Variants in FRYL observed in about 807,000 individuals in gnomAD.
FRYL encodes the protein FRY like transcription coactivator, also known as protein furry homolog-like.
A neutral mutation model predicts 351.2 loss-of-function variants in FRYL; 150 were observed. That is an observed-to-expected ratio of 0.43 (90% CI 0.37 to 0.49). FRYL has a LOEUF of 0.49. FRYL is among the 20% of genes least tolerant of loss of function. The pLI is 0.00. For synonymous variants in FRYL, 1,153 were observed against 1,257.1 expected, an observed-to-expected ratio of 0.92 and a Z score of 1.75; for missense variants, 3,036 against 3,619.3, an observed-to-expected ratio of 0.84 and a Z score of 4.13.
chr4:48,690,008 T>C (rs570779811), intron 2 of FRYL, among the ~76,000 whole-genome samples: 11 of 150,816 alleles, frequency 7.3e-5, no homozygotes, highest in South Asian at 4.2e-4. Context: ...GCCATTCTCC[T>C]GCCTCAGCCT....
chr4:48,521,267 A>G, intron 54 of FRYL, 52 bp from the exon 55 acceptor site: 1 of 1,330,220 alleles, frequency 7.5e-7, no homozygotes, highest in Non-Finnish European at 1.1e-6. Flanking sequence ...CAAAAGCCAC[A>G]GGAAACATTC....
intron 13 of FRYL, among the ~76,000 whole-genome samples, chr4:48,596,356 T>C (rs920202917): frequency 6.6e-6 from 1 of 152,168 alleles, no homozygotes; most frequent in African/African-American, 2.4e-5. Flanking sequence ...GGATCACTCA[T>C]TTTTGGCAGA....
chr4:48,698,977 G>T (rs951255568), intron 2 of FRYL, among the ~76,000 whole-genome samples: 11 of 152,040 alleles, frequency 7.2e-5, no homozygotes, highest in Admixed American at 7.2e-4. Flanking sequence ...ACTAATTACC[G>T]AGAGCCTACT....
chr4:48,609,155 G>A, intron 8 of FRYL, 88 bp from the exon 9 acceptor site: 1 of 765,062 alleles, frequency 1.3e-6, no homozygotes, highest in Non-Finnish European at 2.2e-6. Flanking sequence ...CCTTATCAGA[G>A]TATTGTATAA....
intron 26 of FRYL, chr4:48,571,834 A>C (rs1458372660): frequency 2.0e-6 from 2 of 985,174 alleles, no homozygotes; most frequent in East Asian, 1.1e-4. Flanking sequence ...TGTGAGTCTA[A>C]AGCTCTTCAA....
At chr4:48,594,614 G>C (rs746878413) in intron 15 of FRYL, among the ~76,000 whole-genome samples, 7 of 152,076 alleles carry the variant, frequency 4.6e-5, no homozygotes, top group Non-Finnish European at 8.8e-5. Flanking sequence ...TATACTTATC[G>C]AATTACCATT....
intron 23 of FRYL, among the ~76,000 whole-genome samples, chr4:48,577,758 C>T (rs1739939682): frequency 6.6e-6 from 1 of 151,774 alleles, no homozygotes; most frequent in Non-Finnish European, 1.5e-5. Context: ...TAGCTATAAT[C>T]CCAGCACTTT....
intron 57 of FRYL, 52 bp downstream of exon 57, chr4:48,512,429 A>G: frequency 2.2e-6 from 3 of 1,361,098 alleles, no homozygotes; most frequent in Non-Finnish European, 3.1e-6. Flanking sequence ...GAAAAACTGT[A>G]ACTTGATTAG....
intron 7 of FRYL, among the ~76,000 whole-genome samples, chr4:48,614,032 G>A (rs1377036419): frequency 6.6e-6 from 1 of 151,166 alleles, no homozygotes; most frequent in African/African-American, 2.4e-5. Flanking sequence ...TTACTGCCAG[G>A]AAAGAAAGAG....
At chr4:48,779,829 G>A (rs1776472400) in intron 1 of FRYL, among the ~76,000 whole-genome samples, 1 of 151,192 alleles carries the variant, frequency 6.6e-6, no homozygotes, top group Non-Finnish European at 1.5e-5. Flanking sequence ...AGCTCGGGCG[G>A]GCTTTCGGTT....
intron 3 of FRYL, among the ~76,000 whole-genome samples, chr4:48,661,276 C>T (rs1037905629): frequency 5.3e-5 from 8 of 152,162 alleles, no homozygotes; most frequent in Admixed American, 2.6e-4. Flanking sequence ...TATTCTCCTA[C>T]CATAAATAAT....
intron 1 of FRYL, among the ~76,000 whole-genome samples, chr4:48,778,276 G>A (rs1776234921): frequency 6.6e-6 from 1 of 151,066 alleles, no homozygotes; most frequent in Non-Finnish European, 1.5e-5. Context: ...ACACCACTCC[G>A]AAGTTACTAG....
chr4:48,669,955 CT>C (rs1028341847), intron 3 of FRYL, among the ~76,000 whole-genome samples: 1 of 151,304 alleles, frequency 6.6e-6, no homozygotes, highest in Non-Finnish European at 1.5e-5. Flanking sequence ...TCATTTTTTA[CT>C]TTTAATTTTT....
chr4:48,713,959 T>G (rs1768434666), intron 1 of FRYL, among the ~76,000 whole-genome samples: 1 of 152,014 alleles, frequency 6.6e-6, no homozygotes, highest in South Asian at 2.1e-4. Context: ...AACTCAGGAT[T>G]AAGAAACTCA....
chr4:48,707,908 C>T (rs867056612), intron 2 of FRYL, among the ~76,000 whole-genome samples: 1 of 151,536 alleles, frequency 6.6e-6, no homozygotes, highest in South Asian at 2.1e-4. Flanking sequence ...ACAACCTCCG[C>T]CTCCTGGGTT....
chr4:48,608,828 G>C (rs1244152761), intron 9 of FRYL, among the ~76,000 whole-genome samples, 159 bp downstream of exon 9: 1 of 152,182 alleles, frequency 6.6e-6, no homozygotes, highest in Non-Finnish European at 1.5e-5. Flanking sequence ...GAGTGTTAAA[G>C]AGCTTCTGAG....
In FRYL at chr4:48,671,880, A is replaced by AC. The variant is rs1762809541; in HGVS notation, c.-81+12792_-81+12793insG. ...AAACAAAAAAAAAAAAAACAAAAAA[A>AC]AAAAAAAAAAAGAAGGAAAGACAGA... is the stretch of plus-strand genomic sequence containing the variant. On this transcript the variant is annotated intron_variant, in intron 3 of 63. Transcript: ENST00000358350. 3.4e-5 allele frequency among the ~76,000 whole-genome samples: 5 copies of AC among 148,222 alleles called. 1 individual carries two copies. The highest frequency in any genetic ancestry group is 6.0e-5 in the Non-Finnish European group (4 of 66,912).
intron 4 of FRYL, among the ~76,000 whole-genome samples, chr4:48,629,555 G>A (rs941922907): frequency 2.0e-5 from 3 of 152,042 alleles, no homozygotes; most frequent in Non-Finnish European, 4.4e-5. Flanking sequence ...ATAACAAAAC[G>A]GAAAACAACT....
rs200583988 is a variant in FRYL, at chr4:48,557,533, G to T, written c.4045C>A (p.Arg1349Ser). The T allele has an allele frequency of 5.0e-6, 8 of 1,614,032 alleles. No individual in the cohort carries two copies. In the Admixed American group the frequency reaches 1.0e-4, roughly 20 times the overall value. Residue 1349 changes from arginine (R) to serine (S), a missense_variant, in exon 34 of 64, where the codon CGC becomes AGC. Physicochemically the swap from Arg to Ser is moderately radical, Grantham distance 110. Coordinates refer to ENST00000358350, the MANE Select transcript of FRYL (RefSeq NM_015030.2). ...CCCCATCCTTCTCCCCGTAACCAGC[G>T]CCTACTAGTCACCATAAGTTCTCGG... ...KDRELMVTSR[R>S]WLRGEGWGSP...
Sources: allele counts gnomAD v4.1 joint callset (sites outside exome capture counted in the v4.1 genomes callset), GRCh38; gene constraint gnomAD v4.1.1; transcripts MANE v1.5; gene names NCBI Gene and HGNC (gene_info 2026-07-23, HGNC 2026-07-21).